Variants in TMEM94 observed in about 807,000 individuals in gnomAD.
TMEM94 encodes transmembrane protein 94.
A neutral mutation model predicts 158.6 loss-of-function variants in TMEM94; 81 were observed. The ratio of observed to expected loss-of-function variants is 0.51; its 90% CI spans 0.43 to 0.61. The LOEUF (loss-of-function observed/expected upper bound fraction) is 0.61, where lower values mean the gene tolerates loss of function less well. Among genes scored for constraint, TMEM94 ranks in the 20% least tolerant of loss-of-function variants. TMEM94 has a pLI of 0.00. For synonymous variants in TMEM94, 751 were observed against 730.7 expected, an observed-to-expected ratio of 1.03 and a Z score of -0.45; for missense variants, 1,435 against 1,762.0, an observed-to-expected ratio of 0.81 and a Z score of 3.32.
rs1020547359 is a variant in TMEM94, at chr17:75,499,160, C to G, written c.3998+78C>G. 1.9e-5 allele frequency: 30 copies of G among 1,586,860 alleles called. 1 individual carries two copies. The South Asian group carries it at 2.5e-4, about 13-fold the overall frequency. On this transcript the variant is annotated intron_variant, in intron 31 of 31. Coordinates refer to ENST00000314256, the MANE Select transcript of TMEM94 (RefSeq NM_014738.6). ...TGTTACTCCCTTGGCGACACTCCCC[C>G]ACCTTTCCGCTGCCCATCCCTCCCT... is the stretch of plus-strand genomic sequence containing the variant.
At chr17:75,465,714 T>A (rs2146128802) in intron 1 of TMEM94, among the ~76,000 whole-genome samples, 1 of 148,070 alleles carries the variant, frequency 6.8e-6, no homozygotes, top group Admixed American at 6.7e-5. Context: ...AAAACTACTT[T>A]TGCTTTTTGA....
At chr17:75,472,864 C>T (rs529377698) in intron 2 of TMEM94, among the ~76,000 whole-genome samples, 18 of 152,294 alleles carry the variant, frequency 1.2e-4, no homozygotes, top group African/African-American at 4.1e-4. Flanking sequence ...TCTGTTCTTC[C>T]TTCAAGACCT....
intron 1 of TMEM94, among the ~76,000 whole-genome samples, chr17:75,470,704 CAA>C (rs1210801967): frequency 1.1e-4 from 13 of 117,432 alleles, no homozygotes; most frequent in South Asian, 5.4e-4. Flanking sequence ...GACTCTGTCT[CAA>C]AAAAAAAAAA....
chr17:75,478,078 G>C (rs375559376), intron 2 of TMEM94, among the ~76,000 whole-genome samples: 2 of 121,540 alleles, frequency 1.6e-5, no homozygotes, highest in Non-Finnish European at 3.5e-5. Flanking sequence ...TGCAGTGGCG[G>C]GATCTCGGCT....
chr17:75,464,425 T>C (rs2050211042), intron 1 of TMEM94, among the ~76,000 whole-genome samples: 1 of 151,800 alleles, frequency 6.6e-6, no homozygotes, highest in South Asian at 2.1e-4. Context: ...TGAGGTACAG[T>C]GAGCTGTGAT....
In TMEM94 at chr17:75,495,529, C is replaced by G. The variant is rs746296687; in HGVS notation, c.2845-15C>G. ...ATCCCCATCCCGAAGCCGCTGGCAT[C>G]TCTGCTTTCTCCAGGCCAAGCTGCC... On this transcript the variant is annotated splice_polypyrimidine_tract_variant and intron_variant, in intron 21 of 31. Transcript: ENST00000314256. This position sits in a 1 kb window ranked among gnomAD's most constrained non-coding sequence, Gnocchi z 5.6. 5.0e-6 allele frequency: 8 copies of G among 1,612,848 alleles called. No individual in the cohort carries two copies. Among genetic ancestry groups the G allele is most frequent in the Non-Finnish European group, 5.9e-6 (7 of 1,179,688 alleles).
chr17:75,467,335 A>C (rs1046170489), intron 1 of TMEM94, among the ~76,000 whole-genome samples: 1 of 151,690 alleles, frequency 6.6e-6, no homozygotes, highest in Non-Finnish European at 1.5e-5. Context: ...ATTTGATTAT[A>C]GTATATAGAA....
At position 75,499,606 on chromosome 17, in the gene TMEM94, A is replaced by T; in HGVS notation, c.*272A>T. 2 of 519,794 alleles carry T rather than the reference A, an allele frequency of 3.8e-6. No homozygotes were observed. The highest frequency in any genetic ancestry group is 2.3e-5 in the South Asian group (1 of 42,766). 32.2% of individuals were successfully genotyped at this position (519,794 alleles called of 1,614,324 possible). The stretch of plus-strand genomic sequence containing the variant: ...ATGTATGGCCTCAGGCGCTCCCTAG[A>T]GGGGCCCTAAACCCCCTCACCTGTG... On this transcript the variant is annotated 3_prime_UTR_variant, in exon 32 of 32. Coordinates refer to ENST00000314256, the MANE Select transcript of TMEM94 (RefSeq NM_014738.6).
chr17:75,490,641 G>A (rs2052084212), intron 10 of TMEM94, 61 bp from the exon 11 acceptor site: 1 of 1,478,662 alleles, frequency 6.8e-7, no homozygotes, highest in African/African-American at 1.4e-5. Flanking sequence ...CTGCCAGCTT[G>A]GAGAGGCCTG....
At chr17:75,497,914 G>C in intron 27 of TMEM94, 52 bp downstream of exon 27, 1 of 1,524,100 alleles carries the variant, frequency 6.6e-7, no homozygotes, top group Non-Finnish European at 9.1e-7. Flanking sequence ...AAGGGACTGA[G>C]GATTGGGGGA....
intron 1 of TMEM94, among the ~76,000 whole-genome samples, chr17:75,463,129 T>TATATATATAC (rs1380758025): frequency 0.26 from 1,265 of 4,790 alleles, 376 homozygotes; most frequent in African/African-American, 0.69. Flanking sequence ...TATATATACG[T>TATATATATAC]GTATATATGT....
chr17:75,485,932 G>C lies in TMEM94; in HGVS notation c.206G>C (p.Gly69Ala). The change falls in exon 4 of 32, where the codon GGG becomes GCG. Residue 69 changes from glycine to alanine, a missense_variant. Physicochemically the swap from Gly to Ala is moderately conservative, Grantham distance 60 (BLOSUM62 0). Transcript: ENST00000314256. This position sits in a 1 kb window ranked among gnomAD's most constrained non-coding sequence, Gnocchi z 5.5. ...SNRCSCFHWP[G>A]ASLMLLAVLL... is the part of the protein sequence containing the mutation. ...CGCTGCTCCTGCTTCCACTGGCCGG[G>C]GGCCTCACTCATGCTACTGGCCGTG... The C allele has an allele frequency of 6.2e-7, 1 of 1,613,800 alleles. No individual in the cohort carries two copies. Among genetic ancestry groups the C allele is most frequent in the Non-Finnish European group, 8.5e-7 (1 of 1,179,950 alleles).
intron 1 of TMEM94, among the ~76,000 whole-genome samples, chr17:75,470,539 A>G (rs1472300712): frequency 6.6e-6 from 1 of 151,950 alleles, no homozygotes; most frequent in Admixed American, 6.6e-5. Flanking sequence ...CCCCATCTCT[A>G]CTAAAAATAC....
chr17:75,486,516 G>A (rs570460956), intron 5 of TMEM94, 90 bp downstream of exon 5: 197 of 1,515,146 alleles, frequency 1.3e-4, no homozygotes, highest in Non-Finnish European at 1.8e-4. Context: ...AGCACAGACG[G>A]GTTGCCTGTG....
Position 75,485,920 on chromosome 17 carries a change from T to G in TMEM94, c.194T>G (p.Phe65Cys). Residue 65 changes from phenylalanine to cysteine, a missense_variant, in exon 4 of 32, where the codon TTC becomes TGC. Physicochemically the swap from Phe to Cys is radical, Grantham distance 205. Around this residue, in one of 3 missense-constraint regions of TMEM94, gnomAD observed 1,051 missense variants for 1,254.4 expected, o/e 0.84. Transcript: ENST00000314256. This position sits in a 1 kb window ranked among gnomAD's most constrained non-coding sequence, Gnocchi z 5.5. ...CACCACAGTAACCGCTGCTCCTGCT[T>G]CCACTGGCCGGGGGCCTCACTCATG... is the stretch of plus-strand genomic sequence containing the variant. ...FLHHSNRCSC[F>C]HWPGASLMLL... is the part of the protein sequence containing the mutation. 1 of 1,613,682 alleles carries G rather than the reference T, an allele frequency of 6.2e-7. No individual in the cohort carries two copies.
In TMEM94 at chr17:75,487,681, G is replaced by C. The variant is rs2051737917; in HGVS notation, c.410-251G>C. Among the ~76,000 whole-genome samples, 1 of 152,206 alleles carries C rather than the reference G, an allele frequency of 6.6e-6. No homozygotes were observed. The highest frequency in any genetic ancestry group is 1.5e-5 in the Non-Finnish European group (1 of 68,042). ...ATGTTTGTGAAGTGTATCTGAATGG[G>C]ATGGGGGTACAAAGAACGAGAGCTC... On this transcript the variant is annotated intron_variant, in intron 5 of 31. Coordinates refer to ENST00000314256, the MANE Select transcript of TMEM94 (RefSeq NM_014738.6). The surrounding 1 kb of genome is among the most constrained non-coding windows in gnomAD (Gnocchi z 4.6).
At position 75,491,978 on chromosome 17, in the gene TMEM94, A is replaced by ACAAGGT. The variant is rs2052241168; in HGVS notation, c.1596+80_1596+85dup. 4.2e-6 allele frequency: 6 copies of ACAAGGT among 1,413,298 alleles called. No homozygotes were observed. The highest frequency in any genetic ancestry group is 5.8e-6 in the Non-Finnish European group (6 of 1,026,154). 87.5% of individuals were successfully genotyped at this position (1,413,298 alleles called of 1,614,324 possible). On this transcript the variant is annotated intron_variant, in intron 14 of 31. Coordinates refer to ENST00000314256, the MANE Select transcript of TMEM94 (RefSeq NM_014738.6). The surrounding 1 kb of genome is among the most constrained non-coding windows in gnomAD (Gnocchi z 5.1). ...TGGCCTCCCTGGCCAGCCTGGCCTC[A>ACAAGGT]CAAGGTCTGAAAGAGCAGGCGTCTC...
rs201654014 is a variant in TMEM94 at position 75,489,271 on chromosome 17, G to C, written c.770G>C (p.Cys257Ser). 3 of 1,614,116 alleles carry C rather than the reference G, an allele frequency of 1.9e-6. No homozygotes were observed. The highest frequency in any genetic ancestry group is 2.5e-6 in the Non-Finnish European group (3 of 1,179,952). ...ACAGTCACTTCTTTCTGCAGATGGT[G>C]CCTGGACATGGCCCTGTCCCGACCA... ...ETPVIDNIRW[C>S]LDMALSRPVT... is the part of the protein sequence containing the mutation. Residue 257 changes from cysteine (C) to serine (S), a missense_variant, in exon 8 of 32, where the codon TGC becomes TCC. Cys to Ser is a moderately radical substitution (Grantham distance 112). Coordinates refer to ENST00000314256, the MANE Select transcript of TMEM94 (RefSeq NM_014738.6). The surrounding 1 kb of genome is among the most constrained non-coding windows in gnomAD (Gnocchi z 5.0).
chr17:75,470,317 A>T (rs943698970), intron 1 of TMEM94, among the ~76,000 whole-genome samples: 9 of 150,692 alleles, frequency 6.0e-5, no homozygotes, highest in South Asian at 2.1e-4. Flanking sequence ...ACACAAAATT[A>T]AAAAAAATAA....
Sources: allele counts gnomAD v4.1 joint callset (sites outside exome capture counted in the v4.1 genomes callset), GRCh38; gene constraint gnomAD v4.1.1; regional missense constraint gnomAD v4.1.1; non-coding constraint Gnocchi (gnomAD v3.1); transcripts MANE v1.5; gene names NCBI Gene and HGNC (gene_info 2026-07-23, HGNC 2026-07-21).